The following MSRA variants were observed in gnomAD, a reference collection of about 807,000 sequenced individuals.
MSRA encodes the protein mitochondrial peptide methionine sulfoxide reductase.
Under a neutral mutation model 31.3 loss-of-function variants are expected in MSRA, and 54 were observed. The observed-to-expected ratio is 1.73, with a 90% CI of 1.39 to 2.17. MSRA has a LOEUF of 2.17. MSRA is among the 30% of genes most tolerant of loss of function. The pLI is 0.00. For missense variants in MSRA, 507 were observed against 300.9 expected (o/e 1.69, Z -5.07); for synonymous variants, 169 against 116.5 (o/e 1.45, Z -2.90).
intron 1 of MSRA, among the ~76,000 whole-genome samples, chr8:10,117,562 G>T (rs1254791680): frequency 6.6e-6 from 1 of 152,162 alleles, no homozygotes; most frequent in African/African-American, 2.4e-5. Flanking sequence ...AATCCTAGCT[G>T]TTGGGAGCAT....
chr8:10,248,301 T>G (rs1167197140), intron 3 of MSRA, among the ~76,000 whole-genome samples: 2 of 152,212 alleles, frequency 1.3e-5, no homozygotes, highest in African/African-American at 4.8e-5. Context: ...AGATTCCTTC[T>G]CTCATAAAGC....
intron 5 of MSRA, chr8:10,326,401 G>C (rs1193242483): frequency 6.6e-6 from 1 of 152,180 alleles, no homozygotes; most frequent in African/African-American, 2.4e-5. Context: ...GCTGGGTTGT[G>C]GATACCAGCC....
At chr8:10,104,105 C>G (rs965648630) in intron 1 of MSRA, among the ~76,000 whole-genome samples, 5 of 152,128 alleles carry the variant, frequency 3.3e-5, no homozygotes, top group African/African-American at 1.2e-4. Context: ...TTTAGCGTAG[C>G]CATTCTTCTG....
intron 5 of MSRA, among the ~76,000 whole-genome samples, chr8:10,392,680 C>CTTT (rs55916396): frequency 7.0e-6 from 1 of 143,412 alleles, no homozygotes; most frequent in Admixed American, 6.9e-5. Context: ...CCTCTCGGCC[C>CTTT]TTTTTTTTTT....
intron 3 of MSRA, among the ~76,000 whole-genome samples, chr8:10,277,357 C>T (rs1229812842): frequency 1.3e-5 from 2 of 152,190 alleles, no homozygotes; most frequent in Non-Finnish European, 2.9e-5. Flanking sequence ...GGAGCTACTC[C>T]ACTTTCTCTC....
intron 5 of MSRA, among the ~76,000 whole-genome samples, chr8:10,333,737 T>G (rs1161922651): frequency 6.8e-6 from 1 of 146,264 alleles, no homozygotes; most frequent in Non-Finnish European, 1.5e-5. Context: ...CCCCTCCATG[T>G]TCGCATCACG....
At chr8:10,132,548 G>T (rs117118457) in intron 1 of MSRA, among the ~76,000 whole-genome samples, 2 of 152,340 alleles carry the variant, frequency 1.3e-5, no homozygotes, top group East Asian at 1.9e-4. Context: ...GGCACTGGCA[G>T]ATTTGGTGTC....
chr8:10,054,724 AGCGCGCCCGCTGCCCGG>A, intron 1 of MSRA, 66 bp downstream of exon 1: 1 of 1,382,708 alleles, frequency 7.2e-7, no homozygotes, highest in Non-Finnish European at 9.5e-7. Context: ...GCCCGGCGGC[AGCGCGCCCGCTGCCCGG>A]AAGGAAGCCG....
intron 5 of MSRA, among the ~76,000 whole-genome samples, chr8:10,367,525 G>A (rs942357248): frequency 3.9e-5 from 6 of 152,186 alleles, no homozygotes; most frequent in South Asian, 2.1e-4. Context: ...GAACATCCTC[G>A]TGTGCTAGTC....
chr8:10,118,141 C>T (rs888538488), intron 1 of MSRA, among the ~76,000 whole-genome samples: 9 of 152,134 alleles, frequency 5.9e-5, no homozygotes, highest in African/African-American at 7.2e-5. Flanking sequence ...GAGCATTCAC[C>T]GTGGCTTTTC....
chr8:10,267,164 G>A (rs895239148), intron 3 of MSRA, among the ~76,000 whole-genome samples: 10 of 152,162 alleles, frequency 6.6e-5, no homozygotes, highest in African/African-American at 9.7e-5. Flanking sequence ...ACCCGCTCCC[G>A]GTTGTAGTAA....
At chr8:10,083,704 C>A (rs1354383748) in intron 1 of MSRA, among the ~76,000 whole-genome samples, 1 of 151,944 alleles carries the variant, frequency 6.6e-6, no homozygotes, top group East Asian at 1.9e-4. Context: ...CTTATTCTGA[C>A]AGTTTTATCT....
At chr8:10,096,371 A>T in intron 1 of MSRA, 1 of 949,634 alleles carries the variant, frequency 1.1e-6, no homozygotes. Context: ...CATTTTTGGG[A>T]GGTGGGTGGG....
intron 5 of MSRA, among the ~76,000 whole-genome samples, chr8:10,403,434 C>T (rs1429513570): frequency 2.0e-5 from 3 of 152,182 alleles, no homozygotes; most frequent in African/African-American, 7.2e-5. Flanking sequence ...TTCTCCAGGG[C>T]CACAGGAAGG....
At chr8:10,268,570 A>G (rs1303330205) in intron 3 of MSRA, among the ~76,000 whole-genome samples, 4 of 152,234 alleles carry the variant, frequency 2.6e-5, no homozygotes, top group Non-Finnish European at 5.9e-5. Context: ...CGCCTAGCAC[A>G]TAGTAAGACC....
intron 3 of MSRA, chr8:10,251,038 C>G (rs1453596038): frequency 1.3e-5 from 2 of 152,228 alleles, no homozygotes; most frequent in Non-Finnish European, 2.9e-5. Flanking sequence ...GTAAGTATGC[C>G]TGGCACAGCA....
intron 3 of MSRA, among the ~76,000 whole-genome samples, chr8:10,283,836 T>TATACACACAC (rs1261287031): frequency 6.0e-4 from 32 of 53,156 alleles, no homozygotes; most frequent in South Asian, 9.9e-4. Flanking sequence ...TATATATATA[T>TATACACACAC]ACACACACAC....
At chr8:10,110,601 G>A (rs572449315) in intron 1 of MSRA, among the ~76,000 whole-genome samples, 1 of 152,378 alleles carries the variant, frequency 6.6e-6, no homozygotes, top group African/African-American at 2.4e-5. Context: ...TGGAGGATGA[G>A]TTAAATATTA....
chr8:10,098,400 G>A (rs1799313932), intron 1 of MSRA, among the ~76,000 whole-genome samples: 1 of 152,080 alleles, frequency 6.6e-6, no homozygotes, highest in Admixed American at 6.6e-5. Flanking sequence ...ACAAATTAAT[G>A]CGAACTTCTC....
Sources: gnomAD v4.1 joint callset for allele counts (sites outside exome capture counted in the v4.1 genomes callset) on GRCh38, gnomAD v4.1.1 for gene constraint, MANE v1.5 for transcripts, NCBI Gene and HGNC (gene_info 2026-07-23, HGNC 2026-07-21) for gene names.